The following SEC31B variants were observed in gnomAD, a reference collection of about 807,000 sequenced individuals.
SEC31B encodes the protein SEC31 homolog B, COPII component, also known as protein transport protein Sec31B.
In SEC31B, 113 loss-of-function variants were observed where a neutral mutation model predicts 135.0. The observed-to-expected ratio is 0.84, with a 90% confidence interval of 0.72 to 0.98. The LOEUF (loss-of-function observed/expected upper bound fraction) is 0.98. SEC31B is among the 50% of genes least tolerant of loss of function. The probability of loss-of-function intolerance (pLI) is 0.00; values close to 1 mark genes in which losing one functional copy is unlikely to be tolerated. For missense variants in SEC31B, 1,296 were observed against 1,421.1 expected (o/e 0.91, Z 1.42); for synonymous variants, 508 against 549.4 (o/e 0.92, Z 1.05).
chr10:100,506,342 G>A lies in SEC31B; in HGVS notation c.861C>T (p.Cys287=). The change falls in exon 8 of 26, where the codon TGC becomes TGT. Residue 287 remains cysteine, a synonymous_variant. Transcript: ENST00000370345. ...LTSAKDSQIL[C]RNLGSSEVVY... ...CTACCTCACTGCTCCCCAGGTTCCG[G>A]CACAAGATCTGGCTGTCCTTAGCAC... 1.2e-6 allele frequency: 2 copies of A among 1,614,114 alleles called. No individual in the cohort carries two copies. The highest frequency in any genetic ancestry group is 1.3e-5 in the African/African-American group (1 of 75,018).
At chr10:100,498,367 T>C in intron 14 of SEC31B, 160 bp from the exon 15 acceptor site, 2 of 746,104 alleles carry the variant, frequency 2.7e-6, no homozygotes, top group East Asian at 5.4e-5. Context: ...AAATGTATTT[T>C]GGTGCCCAGG....
chr10:100,516,044 G>A, intron 3 of SEC31B, 52 bp downstream of exon 3: 1 of 1,593,686 alleles, frequency 6.3e-7, no homozygotes, highest in Non-Finnish European at 8.5e-7. Context: ...ACTGCTCCCA[G>A]GATTCCACGT....
intron 24 of SEC31B, among the ~76,000 whole-genome samples, chr10:100,488,383 C>T (rs1042812980): frequency 1.8e-4 from 27 of 150,016 alleles, no homozygotes; most frequent in Non-Finnish European, 3.3e-4. Flanking sequence ...GGCTTGAACC[C>T]GGGAGGCAGA....
chr10:100,490,078 G>T lies in SEC31B; in HGVS notation c.2895C>A (p.Tyr965Ter), dbSNP rs199884574. The change falls in exon 21 of 26, where the codon TAC becomes TAA. Residue 965 changes from tyrosine to a stop codon, truncating the protein, a stop_gained. Transcript: ENST00000370345. LOFTEE classifies it high-confidence loss of function. ...PAPPASFPVPYLPGDPGAPCS... is the reference protein window; with the variant it reads ...PAPPASFPVP ...ATGGGGCACCTGGGTCCCCTGGAAG[G>T]TATGGCACAGGGAAGCTTGCAGGAG... is the stretch of plus-strand genomic sequence containing the variant. 9 of 1,574,090 alleles carry T rather than the reference G, an allele frequency of 5.7e-6. No homozygotes were observed. The highest frequency in any genetic ancestry group is 6.9e-6 in the Non-Finnish European group (8 of 1,163,644).
Position 100,498,675 on chromosome 10 carries a change from G to A in SEC31B, c.1684+30C>T, listed in dbSNP as rs775810011. On this transcript the variant is annotated intron_variant, in intron 14 of 25. Transcript: ENST00000370345. ...CCGTGCCCACCTAGTCCTAAGCAGA[G>A]ACTCTCCCTCTCCCTCAGGGTCAGG... 1.4e-5 allele frequency: 21 copies of A among 1,529,108 alleles called. No individual in the cohort carries two copies. In the East Asian group the frequency reaches 4.5e-4, roughly 33 times the overall value. 94.7% of individuals were successfully genotyped at this position (1,529,108 alleles called of 1,614,324 possible).
chr10:100,500,204 T>C (rs1354379247), intron 11 of SEC31B: 1 of 456,380 alleles, frequency 2.2e-6, no homozygotes, highest in African/African-American at 2.0e-5. Flanking sequence ...CTGAAAGGGC[T>C]CCCACAGAAG....
intron 6 of SEC31B, 104 bp downstream of exon 6, chr10:100,507,804 C>T (rs530960801): frequency 6.4e-5 from 96 of 1,506,716 alleles, no homozygotes; most frequent in Admixed American, 5.5e-4. Context: ...TCCACATGTC[C>T]GACAGCTGAA....
In SEC31B at chr10:100,497,676, C is replaced by T. The variant is rs372340849; in HGVS notation, c.1981G>A (p.Glu661Lys). Residue 661 changes from glutamate (E) to lysine (K), a missense_variant, in exon 16 of 26, where the codon GAG (glutamate) becomes AAG (lysine). Coordinates refer to ENST00000370345, the MANE Select transcript of SEC31B (RefSeq NM_015490.4). ...LTYSGTEKFP[E>K]LCDMLGTRME... is the part of the protein sequence containing the mutation. ...CTGGGACCACACTTACCACAGAGCTCGGGAAATTTCTCTGTGCCTGAGTAT... is the reference window on the plus strand; with the variant it reads ...CTGGGACCACACTTACCACAGAGCTTGGGAAATTTCTCTGTGCCTGAGTAT... 1.4e-5 allele frequency: 22 copies of T among 1,614,058 alleles called. No homozygotes were observed. Among genetic ancestry groups the T allele is most frequent in the Admixed American group, 5.0e-5 (3 of 60,008 alleles).
At chr10:100,496,917 G>C (rs1851420323) in intron 17 of SEC31B, among the ~76,000 whole-genome samples, 1 of 152,130 alleles carries the variant, frequency 6.6e-6, no homozygotes, top group Non-Finnish European at 1.5e-5. Flanking sequence ...ACCTGAAATA[G>C]GAAAAAAATT....
intron 19 of SEC31B, among the ~76,000 whole-genome samples, chr10:100,491,408 A>G (rs760038806): frequency 6.6e-6 from 1 of 152,254 alleles, no homozygotes; most frequent in Non-Finnish European, 1.5e-5. Flanking sequence ...TGAGGCCAGT[A>G]TTACCCTGAT....
chr10:100,509,765 T>C (rs1158294042), intron 3 of SEC31B, among the ~76,000 whole-genome samples: 1 of 152,150 alleles, frequency 6.6e-6, no homozygotes, highest in Non-Finnish European at 1.5e-5. Context: ...GGTGTATATA[T>C]ATACATATAT....
intron 3 of SEC31B, 57 bp from the exon 4 acceptor site, chr10:100,509,568 G>T (rs1331355945): frequency 7.2e-7 from 1 of 1,390,948 alleles, no homozygotes; most frequent in Admixed American, 2.4e-5. Flanking sequence ...AGTAAGCACA[G>T]GATGGGCATC....
At chr10:100,512,850 C>T (rs1851760393) in intron 3 of SEC31B, among the ~76,000 whole-genome samples, 1 of 152,210 alleles carries the variant, frequency 6.6e-6, no homozygotes, top group Non-Finnish European at 1.5e-5. Context: ...TTATCTGGTA[C>T]AATCTCTTCT....
chr10:100,511,855 G>T (rs1851743132), intron 3 of SEC31B, among the ~76,000 whole-genome samples: 3 of 152,182 alleles, frequency 2.0e-5, no homozygotes, highest in Admixed American at 1.3e-4. Flanking sequence ...ATGGAGCATT[G>T]GTTGTTTGAG....
At chr10:100,494,997 T>C (rs897890447) in intron 19 of SEC31B, 1 of 275,958 alleles carries the variant, frequency 3.6e-6, no homozygotes, top group African/African-American at 2.3e-5. Context: ...AGATCATTAT[T>C]TTGTATTTTC....
chr10:100,490,445 A>G, intron 20 of SEC31B, 123 bp from the exon 21 acceptor site: 2 of 1,080,704 alleles, frequency 1.9e-6, no homozygotes, highest in South Asian at 3.5e-5. Flanking sequence ...TGTATATGGA[A>G]ATCTATAATT....
chr10:100,498,786 T>C lies in SEC31B; in HGVS notation c.1603A>G (p.Lys535Glu). ...FCSQASKHTT[K>E]EASASSAFFD... ...AAGGCTGAGGAAGCAGAGGCTTCCT[T>C]TGTGGTGTGTTTGGAGGCCTGTATG... The change falls in exon 14 of 26, where the codon AAG (lysine) becomes GAG (glutamate). Residue 535 changes from lysine (K) to glutamate (E), a missense_variant. Coordinates refer to ENST00000370345, the MANE Select transcript of SEC31B (RefSeq NM_015490.4). 6.2e-7 allele frequency: 1 copy of C among 1,613,330 alleles called. No homozygotes were observed. The highest frequency in any genetic ancestry group is 8.5e-7 in the Non-Finnish European group (1 of 1,179,416).
rs1851215909 is a variant in SEC31B at position 100,488,016 on chromosome 10, G to A, written c.3360+11C>T. ...GTAGGAGGCAGTGGGAGCACAGCTA[G>A]CTGTACTTACTGTCCCCTCACAGAG... On this transcript the variant is annotated intron_variant, in intron 25 of 25. Coordinates refer to ENST00000370345, the MANE Select transcript of SEC31B (RefSeq NM_015490.4). 1 of 1,612,886 alleles carries A rather than the reference G, an allele frequency of 6.2e-7. No homozygotes were observed. The highest frequency in any genetic ancestry group is 8.5e-7 in the Non-Finnish European group (1 of 1,178,886).
chr10:100,502,662 C>A (rs1448466590), intron 10 of SEC31B, among the ~76,000 whole-genome samples, 178 bp from the exon 11 acceptor site: 1 of 152,138 alleles, frequency 6.6e-6, no homozygotes, highest in Non-Finnish European at 1.5e-5. Context: ...CGTCTCCCTA[C>A]CAAAACCACT....
Sources: allele counts gnomAD v4.1 joint callset (sites outside exome capture counted in the v4.1 genomes callset), GRCh38; gene constraint gnomAD v4.1.1; transcripts MANE v1.5; gene names NCBI Gene and HGNC (gene_info 2026-07-23, HGNC 2026-07-21).